The following CPHXL2 variants were observed in gnomAD, a reference collection of about 807,000 sequenced individuals.
The protein encoded by CPHXL2 is cytoplasmic polyadenylated homeobox like 2.
At chr16:75,670,924 GTCCT>G in the CPHXL2 span, among the ~76,000 whole-genome samples, 1,508 of 152,116 alleles carry the variant, frequency 9.9e-3, 31 homozygotes, top group African/African-American at 0.031. Flanking sequence ...CTCTTTGCTT[GTCCT>G]TTGAACACCT....
chr16:75,667,875 C>A, the CPHXL2 span, among the ~76,000 whole-genome samples: 2 of 152,348 alleles, frequency 1.3e-5, no homozygotes, highest in Non-Finnish European at 2.9e-5. Context: ...AAAGGCAATT[C>A]CTATCTTCCA....
At chr16:75,668,867 G>A in the CPHXL2 span, among the ~76,000 whole-genome samples, 1 of 152,058 alleles carries the variant, frequency 6.6e-6, no homozygotes, top group Non-Finnish European at 1.5e-5. Context: ...TCCATTTGTG[G>A]TTAGTTAAAT....
chr16:75,661,626 C>T, the CPHXL2 span, among the ~76,000 whole-genome samples: 280 of 152,030 alleles, frequency 1.8e-3, no homozygotes, highest in African/African-American at 6.2e-3. Flanking sequence ...CCCACCTAGA[C>T]GTGGATTGTT....
At chr16:75,676,502 T>C in the CPHXL2 span, among the ~76,000 whole-genome samples, 91,234 of 151,964 alleles carry the variant, frequency 0.6, 30,770 homozygotes, top group East Asian at 0.96. Flanking sequence ...TTATTTCTTT[T>C]GTAGAAATAG....
the CPHXL2 span, among the ~76,000 whole-genome samples, chr16:75,670,900 G>A: frequency 1.3e-5 from 2 of 151,988 alleles, no homozygotes; most frequent in East Asian, 1.9e-4. Flanking sequence ...TCAGTGCCCC[G>A]CAGCTATGTC....
chr16:75,669,902 A>G, the CPHXL2 span, among the ~76,000 whole-genome samples: 2 of 152,146 alleles, frequency 1.3e-5, no homozygotes, highest in African/African-American at 4.8e-5. Context: ...AGCCTAACAT[A>G]TTTACTATCT....
chr16:75,675,441 G>T, the CPHXL2 span, among the ~76,000 whole-genome samples: 124 of 152,112 alleles, frequency 8.2e-4, no homozygotes, highest in African/African-American at 2.9e-3. Flanking sequence ...TTTCAACAAA[G>T]GTGTCAAAAT....
chr16:75,676,935 A>T, the CPHXL2 span: 2 of 398,450 alleles, frequency 5.0e-6, no homozygotes, highest in Non-Finnish European at 8.8e-6. Context: ...ATTTTCATGG[A>T]AACAGTCTTC....
chr16:75,665,734 G>C, the CPHXL2 span, among the ~76,000 whole-genome samples: 1 of 152,142 alleles, frequency 6.6e-6, no homozygotes, highest in Non-Finnish European at 1.5e-5. Flanking sequence ...ATGGTGGCAG[G>C]CGTCTGTAAT....
chr16:75,670,308 G>A, the CPHXL2 span, among the ~76,000 whole-genome samples: 1 of 152,150 alleles, frequency 6.6e-6, no homozygotes, highest in Non-Finnish European at 1.5e-5. Context: ...TATACTGATT[G>A]GAAGGCAGGA....
At chr16:75,664,803 TA>T in the CPHXL2 span, among the ~76,000 whole-genome samples, 73 of 152,128 alleles carry the variant, frequency 4.8e-4, no homozygotes, top group African/African-American at 1.5e-3. Context: ...ATGGGAGTGG[TA>T]CTGGTGGCTT....
chr16:75,664,218 C>T, the CPHXL2 span, among the ~76,000 whole-genome samples: 2 of 152,180 alleles, frequency 1.3e-5, no homozygotes, highest in East Asian at 3.8e-4. Context: ...GTGGCCTGAC[C>T]ACCTTGGGCA....
chr16:75,671,629 C>T, the CPHXL2 span, among the ~76,000 whole-genome samples: 2 of 152,062 alleles, frequency 1.3e-5, no homozygotes, highest in African/African-American at 4.8e-5. Context: ...CACTTTAAAG[C>T]ACAACATAGG....
the CPHXL2 span, among the ~76,000 whole-genome samples, chr16:75,662,280 A>G: frequency 6.6e-6 from 1 of 150,794 alleles, no homozygotes; most frequent in African/African-American, 2.4e-5. Flanking sequence ...CCACATGTTC[A>G]GCTATCTGGA....
the CPHXL2 span, chr16:75,661,283 C>T: frequency 2.5e-6 from 1 of 400,622 alleles, no homozygotes; most frequent in Non-Finnish European, 4.4e-6. Flanking sequence ...ATTATCAAAT[C>T]TACTTCTCTG....
At chr16:75,662,264 G>A in the CPHXL2 span, among the ~76,000 whole-genome samples, 1 of 151,810 alleles carries the variant, frequency 6.6e-6, no homozygotes, top group East Asian at 1.9e-4. Context: ...CACCCTCCAG[G>A]AACTTCCACA....
chr16:75,667,681 A>C, the CPHXL2 span, among the ~76,000 whole-genome samples: 1 of 152,250 alleles, frequency 6.6e-6, no homozygotes, highest in East Asian at 1.9e-4. Context: ...CATTATTCAT[A>C]AACAGGCAAT....
the CPHXL2 span, among the ~76,000 whole-genome samples, chr16:75,674,913 G>A: frequency 6.6e-6 from 1 of 151,538 alleles, no homozygotes; most frequent in Non-Finnish European, 1.5e-5. Flanking sequence ...TTTCACCACC[G>A]GGTGCGGTGG....
chr16:75,673,963 G>C, the CPHXL2 span, among the ~76,000 whole-genome samples: 2 of 138,540 alleles, frequency 1.4e-5, no homozygotes, highest in African/African-American at 5.4e-5. Context: ...CTGGGTGACA[G>C]AGAGAGATCT....
Sources: gnomAD v4.1 joint callset for allele counts (sites outside exome capture counted in the v4.1 genomes callset) on GRCh38, gnomAD v4.1.1 for gene constraint, MANE v1.5 for transcripts, NCBI Gene and HGNC (gene_info 2026-07-23, HGNC 2026-07-21) for gene names.